The following LRRC20 variants were observed in gnomAD, a reference collection of about 807,000 sequenced individuals.
The protein encoded by LRRC20 is leucine-rich repeat-containing protein 20.
LRRC20 carries 11 observed loss-of-function variants against 14.4 expected under a neutral mutation model. That is an observed-to-expected ratio of 0.77 (90% CI 0.48 to 1.27). The LOEUF is 1.27. Among genes scored for constraint, LRRC20 ranks in the 50% most tolerant of loss-of-function variants. The pLI, the probability that LRRC20 is intolerant of heterozygous loss-of-function variation, is 0.00. For synonymous variants in LRRC20, 121 were observed against 107.3 expected, an observed-to-expected ratio of 1.13 and a Z score of -0.79; for missense variants, 219 against 251.2, an observed-to-expected ratio of 0.87 and a Z score of 0.87.
intron 4 of LRRC20, among the ~76,000 whole-genome samples, chr10:70,322,662 G>A (rs919296648): frequency 6.6e-6 from 1 of 152,162 alleles, no homozygotes; most frequent in South Asian, 2.1e-4. Context: ...ACCCCCAGGG[G>A]CTTCCCAGAG....
chr10:70,309,457 G>GAGGGGC (rs1841558426), intron 4 of LRRC20, among the ~76,000 whole-genome samples: 2 of 152,216 alleles, frequency 1.3e-5, no homozygotes, highest in South Asian at 4.1e-4. Context: ...ACACAACGCA[G>GAGGGGC]AGGGGCAAGG....
At chr10:70,376,236 C>T (rs943158230) in intron 2 of LRRC20, among the ~76,000 whole-genome samples, 4 of 152,184 alleles carry the variant, frequency 2.6e-5, no homozygotes, top group South Asian at 2.1e-4. Context: ...AGCAGGCAGG[C>T]GCCATCACTC....
intron 2 of LRRC20, among the ~76,000 whole-genome samples, chr10:70,343,596 A>C (rs1434810169): frequency 6.6e-6 from 1 of 152,202 alleles, no homozygotes; most frequent in Non-Finnish European, 1.5e-5. Context: ...TTCAGAAGAG[A>C]GAAAGCAAGG....
At chr10:70,351,777 C>A (rs146417498) in intron 2 of LRRC20, among the ~76,000 whole-genome samples, 270 of 152,254 alleles carry the variant, frequency 1.8e-3, no homozygotes, top group African/African-American at 6.2e-3. Context: ...TCTAACACGT[C>A]CAGTGTGAGT....
intron 4 of LRRC20, 44 bp downstream of exon 4, chr10:70,323,819 G>C (rs189547601): frequency 1.2e-6 from 2 of 1,606,932 alleles, no homozygotes; most frequent in Non-Finnish European, 1.7e-6. Flanking sequence ...GCCCATGAGC[G>C]CCTCGTGCAG....
intron 2 of LRRC20, among the ~76,000 whole-genome samples, chr10:70,349,584 CAAAT>C (rs1481513356): frequency 1.3e-5 from 2 of 152,124 alleles, no homozygotes; most frequent in Non-Finnish European, 2.9e-5. Context: ...TCTCAATAAA[CAAAT>C]AAATAAATAA....
At chr10:70,330,864 T>C (rs1385014988) in intron 3 of LRRC20, among the ~76,000 whole-genome samples, 1 of 152,168 alleles carries the variant, frequency 6.6e-6, no homozygotes, top group Non-Finnish European at 1.5e-5. Flanking sequence ...AGGTGAGGTA[T>C]ATATACACAA....
chr10:70,349,074 C>T (rs1431081936), intron 2 of LRRC20, among the ~76,000 whole-genome samples: 2 of 152,180 alleles, frequency 1.3e-5, no homozygotes, highest in African/African-American at 4.8e-5. Flanking sequence ...AGAGAGTGGT[C>T]CTCAAAGAGC....
intron 3 of LRRC20, among the ~76,000 whole-genome samples, chr10:70,326,092 G>A (rs995538431): frequency 1.3e-5 from 2 of 152,100 alleles, no homozygotes; most frequent in African/African-American, 4.8e-5. Flanking sequence ...ATCTTCCTAT[G>A]TAACTTTTAG....
chr10:70,334,223 A>C (rs1229603537), intron 3 of LRRC20, among the ~76,000 whole-genome samples: 2 of 151,962 alleles, frequency 1.3e-5, no homozygotes, highest in Middle Eastern at 3.4e-3. Flanking sequence ...AAACCTAAGC[A>C]TCCCATTGAC....
chr10:70,347,677 G>A (rs940831254), intron 2 of LRRC20, among the ~76,000 whole-genome samples: 7 of 151,914 alleles, frequency 4.6e-5, no homozygotes, highest in Non-Finnish European at 8.8e-5. Context: ...AAAATCTGCC[G>A]GGTGTGGTGG....
chr10:70,354,813 G>C (rs1460188011), intron 2 of LRRC20, among the ~76,000 whole-genome samples: 2 of 152,168 alleles, frequency 1.3e-5, no homozygotes, highest in African/African-American at 4.8e-5. Flanking sequence ...CTCTCGCTTT[G>C]TTCATGCTTC....
chr10:70,376,038 G>C (rs1365986236), intron 2 of LRRC20, among the ~76,000 whole-genome samples: 1 of 152,134 alleles, frequency 6.6e-6, no homozygotes, highest in Non-Finnish European at 1.5e-5. Flanking sequence ...TTCTTCATGG[G>C]ATGACTGAGG....
intron 2 of LRRC20, among the ~76,000 whole-genome samples, chr10:70,347,587 A>T (rs1030671072): frequency 6.6e-6 from 1 of 152,108 alleles, no homozygotes; most frequent in East Asian, 1.9e-4. Flanking sequence ...TGGGAGGCCG[A>T]GGCGGGCAAA....
chr10:70,310,226 T>G (rs1257298429), intron 4 of LRRC20, among the ~76,000 whole-genome samples: 1 of 152,238 alleles, frequency 6.6e-6, no homozygotes, highest in South Asian at 2.1e-4. Context: ...AGATCATTTA[T>G]GCTCACAGCA....
chr10:70,335,246 G>C (rs894982035), intron 3 of LRRC20, among the ~76,000 whole-genome samples: 21 of 152,194 alleles, frequency 1.4e-4, no homozygotes, highest in African/African-American at 5.1e-4. Context: ...ACTCCACATT[G>C]CTGGATGCTC....
intron 2 of LRRC20, among the ~76,000 whole-genome samples, chr10:70,375,697 G>C (rs1393702536): frequency 6.6e-6 from 1 of 152,112 alleles, no homozygotes; most frequent in African/African-American, 2.4e-5. Flanking sequence ...CTCTACAGTG[G>C]TGCCTGCATT....
chr10:70,340,300 C>A (rs1393664051), intron 3 of LRRC20, among the ~76,000 whole-genome samples: 3 of 151,924 alleles, frequency 2.0e-5, no homozygotes, highest in African/African-American at 7.3e-5. Context: ...CTGTTCAGAA[C>A]AAGAGAATCA....
chr10:70,348,888 T>C (rs1843176576), intron 2 of LRRC20, among the ~76,000 whole-genome samples: 1 of 152,242 alleles, frequency 6.6e-6, no homozygotes, highest in Non-Finnish European at 1.5e-5. Context: ...ATACCCATTC[T>C]ACCAGTTTGC....
Sources: gnomAD v4.1 joint callset for allele counts (sites outside exome capture counted in the v4.1 genomes callset) on GRCh38, gnomAD v4.1.1 for gene constraint, MANE v1.5 for transcripts, NCBI Gene and HGNC (gene_info 2026-07-23, HGNC 2026-07-21) for gene names.